FRY: variants seen among roughly 807,000 people sequenced by gnomAD.
FRY encodes protein furry homolog.
FRY carries 128 observed loss-of-function variants against 348.4 expected under a neutral mutation model. The observed-to-expected ratio is 0.37, with a 90% CI of 0.32 to 0.43. The LOEUF (loss-of-function observed/expected upper bound fraction) is 0.43. Among genes scored for constraint, FRY ranks in the 20% least tolerant of loss-of-function variants. The probability of loss-of-function intolerance (pLI) is 1.00; values close to 1 mark genes in which losing one functional copy is unlikely to be tolerated. For missense variants in FRY, 2,736 were observed against 3,695.2 expected (o/e 0.74, Z 6.73); for synonymous variants, 1,370 against 1,374.7 (o/e 1.00, Z 0.08).
At chr13:32,187,789 TTTGC>T (rs1459141378) in intron 28 of FRY, 133 bp downstream of exon 28, 2 of 680,106 alleles carry the variant, frequency 2.9e-6, no homozygotes, top group African/African-American at 3.5e-5. Flanking sequence ...TTATGTGTTG[TTTGC>T]TTTACGCTAT....
intron 50 of FRY, among the ~76,000 whole-genome samples, chr13:32,252,687 G>C (rs929981769): frequency 6.6e-6 from 1 of 151,870 alleles, no homozygotes; most frequent in South Asian, 2.1e-4. Context: ...CACATTTCTC[G>C]GTGGAGCTAT....
At chr13:32,056,398 A>G (rs983454745) in intron 1 of FRY, among the ~76,000 whole-genome samples, 1 of 152,140 alleles carries the variant, frequency 6.6e-6, no homozygotes, top group Non-Finnish European at 1.5e-5. Context: ...GGCCCTCCTA[A>G]TACACATTTT....
intron 31 of FRY, among the ~76,000 whole-genome samples, chr13:32,208,562 A>G (rs1477447083): frequency 6.6e-6 from 1 of 152,078 alleles, no homozygotes; most frequent in Non-Finnish European, 1.5e-5. Flanking sequence ...TATTTTGTCC[A>G]CCCTCTGATA....
At chr13:32,092,577 G>A (rs1352943809) in intron 2 of FRY, among the ~76,000 whole-genome samples, 1 of 152,142 alleles carries the variant, frequency 6.6e-6, no homozygotes, top group African/African-American at 2.4e-5. Context: ...ACTCCTCAGG[G>A]TGTGAGAAGC....
intron 17 of FRY, among the ~76,000 whole-genome samples, chr13:32,167,760 C>A (rs998243698): frequency 1.3e-5 from 2 of 152,172 alleles, no homozygotes; most frequent in Non-Finnish European, 2.9e-5. Context: ...AGCTTATTTT[C>A]TAAGACCTTC....
At position 32,234,739 on chromosome 13, in the gene FRY, G is replaced by A; in HGVS notation, c.5693G>A (p.Gly1898Glu). 1 of 1,614,080 alleles carries A rather than the reference G, an allele frequency of 6.2e-7. No individual in the cohort carries two copies. The highest frequency in any genetic ancestry group is 8.5e-7 in the Non-Finnish European group (1 of 1,179,962). The stretch of plus-strand genomic sequence containing the variant: ...CTCTCAAGATTGGTGGAGGTGATAG[G>A]AGAACATGGAGATGAGATTCAGGTA... ...DLLSRLVEVI[G>E]EHGDEIQGYV... is the part of the protein sequence containing the mutation. Residue 1898 changes from glycine to glutamate, a missense_variant, in exon 42 of 61, where the codon GGA becomes GAA. This residue lies in a region of FRY where 794 missense variants were observed against 977.0 expected (regional missense o/e 0.81). Transcript: ENST00000542859.
intron 24 of FRY, among the ~76,000 whole-genome samples, chr13:32,184,353 G>A (rs899455206): frequency 6.6e-6 from 1 of 152,156 alleles, no homozygotes; most frequent in Non-Finnish European, 1.5e-5. Context: ...TCTGGGAAAT[G>A]AGGCTTGTTG....
chr13:32,180,481 C>T (rs73167186), intron 23 of FRY, among the ~76,000 whole-genome samples: 8,041 of 152,304 alleles, frequency 0.053, 369 homozygotes, highest in East Asian at 0.28. Context: ...GTGATCCACC[C>T]GCCTCAGCCC....
Position 32,298,003 on chromosome 13 carries a change from A to G in FRY, c.*2543A>G, listed in dbSNP as rs904542212. 6.6e-6 allele frequency: 1 copy of G among 152,232 alleles called. No homozygotes were observed. Among genetic ancestry groups the G allele is most frequent in the African/African-American group, 2.4e-5 (1 of 41,472 alleles). 9.4% of individuals were successfully genotyped at this position (152,232 alleles called of 1,614,324 possible). On this transcript the variant is annotated 3_prime_UTR_variant, in exon 61 of 61. Transcript: ENST00000542859. The stretch of plus-strand genomic sequence containing the variant: ...GATTAAAATTATAGTCTCCAAATAT[A>G]GTGTTTTAGAAAAGGCACTGCACAT...
At position 32,046,713 on chromosome 13, in the gene FRY, G is replaced by A. The variant is rs575787628; in HGVS notation, c.70+14848G>A. 2.6e-4 allele frequency among the ~76,000 whole-genome samples: 40 copies of A among 152,212 alleles called. No individual in the cohort carries two copies. The South Asian group carries it at 8.3e-3, about 32-fold the overall frequency. The stretch of plus-strand genomic sequence containing the variant: ...AGAGGTTCAATACCCACACTACAAA[G>A]CAACACAGAATTGTTGCTCTTAATC... On this transcript the variant is annotated intron_variant, in intron 1 of 60. Coordinates refer to ENST00000542859, the MANE Select transcript of FRY (RefSeq NM_023037.3).
intron 1 of FRY, among the ~76,000 whole-genome samples, chr13:32,073,489 G>A (rs902244580): frequency 6.6e-6 from 1 of 152,008 alleles, no homozygotes; most frequent in African/African-American, 2.4e-5. Flanking sequence ...ATTTTTCCTT[G>A]TTCTTTTAGA....
intron 1 of FRY, among the ~76,000 whole-genome samples, chr13:32,044,404 TGAA>T (rs1872909672): frequency 6.6e-6 from 1 of 152,248 alleles, no homozygotes; most frequent in African/African-American, 2.4e-5. Flanking sequence ...CTAGCATTCA[TGAA>T]GGACTGCCAT....
chr13:32,237,400 C>G lies in FRY; in HGVS notation c.5832C>G (p.Ser1944Arg). ...VLSRSSSPDL[S>R]SSSKLTASRK... ...CCAGCTCTTCCTCACCAGATTTAAG[C>G]TCCAGCAGTAAACTAACAGCAAGCA... Residue 1944 changes from serine (S) to arginine (R), a missense_variant, in exon 44 of 61, where the codon AGC (serine) becomes AGG (arginine). Physicochemically the swap from Ser to Arg is moderately radical, Grantham distance 110. Around this residue, in one of 9 missense-constraint regions of FRY, gnomAD observed 794 missense variants for 977.0 expected, o/e 0.81. Transcript: ENST00000542859. This position sits in a 1 kb window ranked among gnomAD's most constrained non-coding sequence, Gnocchi z 6.3. 2 of 1,614,002 alleles carry G rather than the reference C, an allele frequency of 1.2e-6. No homozygotes were observed. Among genetic ancestry groups the G allele is most frequent in the Non-Finnish European group, 1.7e-6 (2 of 1,179,996 alleles).
chr13:32,124,989 G>A (rs1187949296), intron 7 of FRY, 114 bp downstream of exon 7: 6 of 776,170 alleles, frequency 7.7e-6, no homozygotes, highest in Non-Finnish European at 1.2e-5. Flanking sequence ...AGGGCTCTTT[G>A]CCATGTGTGC....
intron 7 of FRY, among the ~76,000 whole-genome samples, chr13:32,126,145 C>T (rs1456719320): frequency 6.6e-6 from 1 of 152,148 alleles, no homozygotes; most frequent in African/African-American, 2.4e-5. Context: ...TCCAGCAAAT[C>T]GTGTATCTAC....
At chr13:32,220,562 T>C (rs1885262532) in intron 36 of FRY, among the ~76,000 whole-genome samples, 1 of 152,192 alleles carries the variant, frequency 6.6e-6, no homozygotes, top group African/African-American at 2.4e-5. Context: ...ATGAGGAAAG[T>C]AGTACTTGAG....
At chr13:32,054,451 G>A (rs1348363168) in intron 1 of FRY, among the ~76,000 whole-genome samples, 2 of 152,088 alleles carry the variant, frequency 1.3e-5, no homozygotes, top group Non-Finnish European at 2.9e-5. Context: ...TGCTTGGGTT[G>A]TGAATAAGAG....
intron 8 of FRY, among the ~76,000 whole-genome samples, chr13:32,134,417 G>A (rs1176908999): frequency 3.3e-5 from 5 of 152,184 alleles, no homozygotes; most frequent in Admixed American, 3.3e-4. Context: ...ATGTCAGAGC[G>A]AACAAGTAAA....
intron 55 of FRY, among the ~76,000 whole-genome samples, chr13:32,268,949 G>A (rs1888080133): frequency 6.6e-6 from 1 of 152,156 alleles, no homozygotes; most frequent in South Asian, 2.1e-4. Flanking sequence ...AAATGGAAAG[G>A]AACTATCTAG....
Sources: gnomAD v4.1 joint callset for allele counts (sites outside exome capture counted in the v4.1 genomes callset) on GRCh38, gnomAD v4.1.1 for gene constraint, gnomAD v4.1.1 regional missense constraint, Gnocchi (gnomAD v3.1) non-coding constraint, MANE v1.5 for transcripts, NCBI Gene and HGNC (gene_info 2026-07-23, HGNC 2026-07-21) for gene names.